The following CSMD1 variants were observed in gnomAD, a reference collection of about 807,000 sequenced individuals.
The protein encoded by CSMD1 is CUB and Sushi multiple domains 1, also known as CUB and sushi domain-containing protein 1.
Under a neutral mutation model 417.5 loss-of-function variants are expected in CSMD1, and 213 were observed. The observed-to-expected ratio is 0.51, with a 90% CI of 0.46 to 0.57. CSMD1 has a LOEUF of 0.57. Ranked by LOEUF, CSMD1 falls within the 20% of genes least tolerant of loss-of-function variation. CSMD1 has a pLI of 0.00. For missense variants in CSMD1, 6,923 were observed against 4,529.7 expected (o/e 1.53, Z -15.17); for synonymous variants, 2,862 against 1,736.8 (o/e 1.65, Z -16.11).
At chr8:4,481,268 C>T (rs1019854933) in intron 2 of CSMD1, among the ~76,000 whole-genome samples, 5 of 152,222 alleles carry the variant, frequency 3.3e-5, no homozygotes, top group African/African-American at 1.2e-4. Flanking sequence ...TGCACATTTT[C>T]CTGCTGTGCC....
At chr8:4,966,669 T>C (rs990380933) in intron 1 of CSMD1, among the ~76,000 whole-genome samples, 2 of 152,196 alleles carry the variant, frequency 1.3e-5, no homozygotes, top group African/African-American at 4.8e-5. Flanking sequence ...CAAGTTAAAA[T>C]TTATAATTAA....
At chr8:4,588,453 C>G (rs1405665732) in intron 2 of CSMD1, among the ~76,000 whole-genome samples, 1 of 151,546 alleles carries the variant, frequency 6.6e-6, no homozygotes, top group Non-Finnish European at 1.5e-5. Flanking sequence ...TCTGTCCTCT[C>G]TGCACTGTAT....
chr8:3,849,516 C>T (rs781715420), intron 5 of CSMD1, among the ~76,000 whole-genome samples: 10 of 152,084 alleles, frequency 6.6e-5, no homozygotes, highest in Admixed American at 2.0e-4. Context: ...ATGAGTAGCT[C>T]GACGGTTAGA....
chr8:4,420,866 T>C (rs1797212609), intron 2 of CSMD1, among the ~76,000 whole-genome samples: 1 of 152,168 alleles, frequency 6.6e-6, no homozygotes, highest in Non-Finnish European at 1.5e-5. Flanking sequence ...ACTCCTGTGC[T>C]GTGAAGCCTG....
At chr8:4,473,476 G>C (rs1257201029) in intron 2 of CSMD1, among the ~76,000 whole-genome samples, 1 of 152,184 alleles carries the variant, frequency 6.6e-6, no homozygotes. Flanking sequence ...GTAATACCCA[G>C]TGTCTGCAAA....
chr8:3,412,392 C>G (rs1812867130), intron 12 of CSMD1, among the ~76,000 whole-genome samples: 1 of 151,994 alleles, frequency 6.6e-6, no homozygotes, highest in Non-Finnish European at 1.5e-5. Context: ...AACTGAATTT[C>G]CAGATGGTTT....
chr8:3,461,746 A>G (rs76827630), intron 12 of CSMD1, among the ~76,000 whole-genome samples: 10 of 152,186 alleles, frequency 6.6e-5, no homozygotes, highest in Admixed American at 6.5e-5. Context: ...ATTGTCCCCA[A>G]TGAGACAATA....
At chr8:4,125,545 C>A (rs768118084) in intron 3 of CSMD1, among the ~76,000 whole-genome samples, 1 of 152,208 alleles carries the variant, frequency 6.6e-6, no homozygotes, top group African/African-American at 2.4e-5. Context: ...GCAGCCTCAA[C>A]TTTGTTAAAA....
chr8:3,957,352 G>A (rs1017954088), intron 5 of CSMD1, among the ~76,000 whole-genome samples: 5 of 152,034 alleles, frequency 3.3e-5, no homozygotes, highest in African/African-American at 4.8e-5. Flanking sequence ...TGTGTTCTAC[G>A]TGCTAGGCAC....
intron 3 of CSMD1, among the ~76,000 whole-genome samples, chr8:4,381,911 G>A (rs1554453501): frequency 2.0e-5 from 3 of 151,962 alleles, no homozygotes; most frequent in Non-Finnish European, 4.4e-5. Flanking sequence ...CAAGACACTT[G>A]CCCACTGCAG....
chr8:4,573,434 G>A (rs956872802), intron 2 of CSMD1, among the ~76,000 whole-genome samples: 1 of 152,108 alleles, frequency 6.6e-6, no homozygotes, highest in African/African-American at 2.4e-5. Context: ...CTCTTTCCTG[G>A]GGTGTCACCA....
intron 3 of CSMD1, among the ~76,000 whole-genome samples, chr8:4,087,284 C>G (rs185575328): frequency 1.3e-5 from 2 of 152,140 alleles, no homozygotes; most frequent in Admixed American, 1.3e-4. Flanking sequence ...GCTCACTCTC[C>G]TTCCTTCTCC....
At chr8:3,761,500 ATTTTTTTTTTTTTTT>A (rs57655479) in intron 5 of CSMD1, among the ~76,000 whole-genome samples, 1 of 93,362 alleles carries the variant, frequency 1.1e-5, no homozygotes, top group Non-Finnish European at 2.0e-5. Context: ...CAAAACGACC[ATTTTTTTTTTTTTTT>A]TTTTTTTTGA....
intron 1 of CSMD1, among the ~76,000 whole-genome samples, chr8:4,720,946 C>T (rs2116908428): frequency 6.6e-6 from 1 of 152,260 alleles, no homozygotes; most frequent in African/African-American, 2.4e-5. Flanking sequence ...AATTCACCAG[C>T]TCTTAAGCTT....
At chr8:4,307,938 C>T (rs13258014) in intron 3 of CSMD1, among the ~76,000 whole-genome samples, 68,490 of 152,010 alleles carry the variant, frequency 0.45, 16,761 homozygotes, top group Non-Finnish European at 0.55. Flanking sequence ...ATGCAAGGGT[C>T]TTCGGTGTAA....
At chr8:4,045,343 A>G (rs371980756) in intron 3 of CSMD1, among the ~76,000 whole-genome samples, 1 of 152,210 alleles carries the variant, frequency 6.6e-6, no homozygotes, top group African/African-American at 2.4e-5. Flanking sequence ...ATTGTGTATG[A>G]TATGAGCAGA....
intron 21 of CSMD1, among the ~76,000 whole-genome samples, chr8:3,349,764 A>G (rs2551041): frequency 0.27 from 38,847 of 143,228 alleles, 5,793 homozygotes; most frequent in East Asian, 0.48. Context: ...TTATAGCTAT[A>G]AAATAGATAT....
At chr8:3,946,273 G>C (rs1252983142) in intron 5 of CSMD1, among the ~76,000 whole-genome samples, 4 of 152,106 alleles carry the variant, frequency 2.6e-5, no homozygotes, top group African/African-American at 9.7e-5. Context: ...AGAGAACACA[G>C]TAAACTAGTC....
chr8:4,009,208 T>C (rs759047770), intron 4 of CSMD1, among the ~76,000 whole-genome samples: 1 of 152,174 alleles, frequency 6.6e-6, no homozygotes, highest in African/African-American at 2.4e-5. Flanking sequence ...TAATTCTAAA[T>C]GTAAGTGCAA....
Sources: allele counts gnomAD v4.1 joint callset (sites outside exome capture counted in the v4.1 genomes callset), GRCh38; gene constraint gnomAD v4.1.1; transcripts MANE v1.5; gene names NCBI Gene and HGNC (gene_info 2026-07-23, HGNC 2026-07-21).